Variants in CADM2 observed in about 807,000 individuals in gnomAD.
CADM2 encodes immunoglobulin superfamily member 4D.
In CADM2, 12 loss-of-function variants were observed where a neutral mutation model predicts 49.8. The ratio of observed to expected loss-of-function variants is 0.24; its 90% CI spans 0.15 to 0.39. The LOEUF is 0.39. Ranked by LOEUF, CADM2 falls within the 10% of genes least tolerant of loss-of-function variation. The probability of loss-of-function intolerance (pLI) is 1.00; values close to 1 mark genes in which losing one functional copy is unlikely to be tolerated. For missense variants in CADM2, 378 were observed against 492.3 expected (o/e 0.77, Z 2.20); for synonymous variants, 214 against 175.4 (o/e 1.22, Z -1.74).
chr3:85,069,503 G>T (rs2036645317), intron 1 of CADM2, among the ~76,000 whole-genome samples: 1 of 152,040 alleles, frequency 6.6e-6, no homozygotes, highest in Non-Finnish European at 1.5e-5. Context: ...TTAAGCATAA[G>T]TTAAACATGA....
rs144039996 is a variant in CADM2 at position 85,029,361 on chromosome 3, TC to T, written c.61+69694del. On this transcript the variant is annotated intron_variant, in intron 1 of 9. Transcript: ENST00000383699. ...ATTCTAAGTGTGAAAAAATGGTCTT[TC>T]TATGGTGTGGTAATAGTTATTTCTT... 6.1e-3 allele frequency among the ~76,000 whole-genome samples: 926 copies of T among 152,282 alleles called. 7 individuals carry two copies. Among genetic ancestry groups the T allele is most frequent in the African/African-American group, 0.021 (875 of 41,576 alleles).
At chr3:85,672,685 T>C (rs952428756) in intron 1 of CADM2, among the ~76,000 whole-genome samples, 2 of 152,150 alleles carry the variant, frequency 1.3e-5, no homozygotes, top group Admixed American at 1.3e-4. Flanking sequence ...TTTGCCACCA[T>C]TCATCTGATT....
chr3:85,251,735 T>C (rs1325370803), intron 1 of CADM2, among the ~76,000 whole-genome samples: 1 of 152,000 alleles, frequency 6.6e-6, no homozygotes, highest in Non-Finnish European at 1.5e-5. Context: ...ACTGGCATAT[T>C]TTTCTACTCA....
At chr3:85,930,322 G>A (rs530263402) in intron 6 of CADM2, among the ~76,000 whole-genome samples, 100 of 152,026 alleles carry the variant, frequency 6.6e-4, no homozygotes, top group African/African-American at 2.4e-3. Context: ...AACTTTCTAT[G>A]GGTACATAAT....
chr3:85,770,989 A>T (rs2070053489), intron 2 of CADM2, among the ~76,000 whole-genome samples: 1 of 152,182 alleles, frequency 6.6e-6, no homozygotes, highest in African/African-American at 2.4e-5. Context: ...CATGTCACTT[A>T]TCCTGTGTCT....
In CADM2 at chr3:85,792,352, A is replaced by G. The variant is rs541821378; in HGVS notation, c.89-9695A>G. 3.3e-5 allele frequency among the ~76,000 whole-genome samples: 5 copies of G among 152,314 alleles called. No individual in the cohort carries two copies. In the East Asian group the frequency reaches 9.6e-4, roughly 29 times the overall value. On this transcript the variant is annotated intron_variant, in intron 2 of 9. Coordinates refer to ENST00000383699, the MANE Select transcript of CADM2 (RefSeq NM_001167675.2). The stretch of plus-strand genomic sequence containing the variant: ...GACTTTTATACTTTATTATTGAAAA[A>G]TTGTGTCTTAAATATTCTTAACATC...
At chr3:85,241,560 GA>G (rs745998538) in intron 1 of CADM2, among the ~76,000 whole-genome samples, 12 of 148,996 alleles carry the variant, frequency 8.1e-5, no homozygotes, top group Non-Finnish European at 1.5e-4. Flanking sequence ...TTTAAGAATG[GA>G]AAAAAAAATC....
At chr3:85,920,455 T>C (rs1441109816) in intron 6 of CADM2, among the ~76,000 whole-genome samples, 1 of 151,874 alleles carries the variant, frequency 6.6e-6, no homozygotes, top group Admixed American at 6.6e-5. Context: ...ACTGAAATGG[T>C]ATATATGCTA....
intron 1 of CADM2, among the ~76,000 whole-genome samples, chr3:85,064,279 C>T (rs562540969): frequency 1.3e-5 from 2 of 152,076 alleles, no homozygotes; most frequent in African/African-American, 4.8e-5. Flanking sequence ...TTTGAGATAC[C>T]CTTTAAAGAG....
chr3:85,574,887 C>T (rs951233334), intron 1 of CADM2, among the ~76,000 whole-genome samples: 1 of 152,132 alleles, frequency 6.6e-6, no homozygotes, highest in Non-Finnish European at 1.5e-5. Flanking sequence ...GCAGGAGGCA[C>T]CTGGTTGTGA....
At chr3:85,423,977 C>T (rs1047689029) in intron 1 of CADM2, among the ~76,000 whole-genome samples, 1 of 152,120 alleles carries the variant, frequency 6.6e-6, no homozygotes, top group African/African-American at 2.4e-5. Flanking sequence ...TCGTTCTTTC[C>T]TGTCCTTTGG....
intron 1 of CADM2, among the ~76,000 whole-genome samples, chr3:85,566,295 A>T (rs887616466): frequency 6.6e-6 from 1 of 152,168 alleles, no homozygotes; most frequent in African/African-American, 2.4e-5. Context: ...TTGAAAGTAG[A>T]TGAGATTATT....
chr3:85,023,657 C>T (rs1437612401), intron 1 of CADM2, among the ~76,000 whole-genome samples: 1 of 152,030 alleles, frequency 6.6e-6, no homozygotes, highest in South Asian at 2.1e-4. Context: ...TAACTTTAAA[C>T]ATTCAGGGTA....
intron 1 of CADM2, among the ~76,000 whole-genome samples, chr3:85,157,498 A>G (rs1335293929): frequency 6.6e-6 from 1 of 152,188 alleles, no homozygotes; most frequent in African/African-American, 2.4e-5. Flanking sequence ...AGAGATATAG[A>G]TCAATGAAAC....
intron 1 of CADM2, among the ~76,000 whole-genome samples, chr3:85,075,249 G>A (rs1328384622): frequency 2.7e-5 from 4 of 150,572 alleles, no homozygotes; most frequent in Non-Finnish European, 5.9e-5. Context: ...AATATCATAA[G>A]GTCTCCTAAA....
At chr3:85,438,669 T>C (rs1576554195) in intron 1 of CADM2, among the ~76,000 whole-genome samples, 1 of 151,996 alleles carries the variant, frequency 6.6e-6, no homozygotes, top group African/African-American at 2.4e-5. Context: ...TTCCTTTTCA[T>C]TTTCCTTTTC....
At chr3:85,406,802 C>T (rs1040400354) in intron 1 of CADM2, among the ~76,000 whole-genome samples, 6 of 152,090 alleles carry the variant, frequency 3.9e-5, no homozygotes, top group African/African-American at 1.4e-4. Flanking sequence ...AGAGCTACCA[C>T]CTCTTGACTG....
chr3:85,743,519 A>G (rs1220376734), intron 2 of CADM2, among the ~76,000 whole-genome samples: 5 of 152,220 alleles, frequency 3.3e-5, no homozygotes, highest in Non-Finnish European at 4.4e-5. Context: ...AACACTTTGT[A>G]TAGAACTACA....
At chr3:85,901,006 G>A (rs915427483) in intron 5 of CADM2, among the ~76,000 whole-genome samples, 2 of 151,780 alleles carry the variant, frequency 1.3e-5, no homozygotes, top group Admixed American at 1.3e-4. Flanking sequence ...AAATTAACTC[G>A]CTAATTAATT....
Sources: allele counts gnomAD v4.1 joint callset (sites outside exome capture counted in the v4.1 genomes callset), GRCh38; gene constraint gnomAD v4.1.1; transcripts MANE v1.5; gene names NCBI Gene and HGNC (gene_info 2026-07-23, HGNC 2026-07-21).